The following TBL1XR1 variants were observed in gnomAD, a reference collection of about 807,000 sequenced individuals.
TBL1XR1 encodes the protein TBL1X/Y related 1, also known as F-box-like/WD repeat-containing protein TBL1XR1.
A neutral mutation model predicts 66.9 loss-of-function variants in TBL1XR1; 5 were observed. The ratio of observed to expected loss-of-function variants is 0.07; its 90% CI spans 0.04 to 0.16. TBL1XR1 has a LOEUF of 0.16. TBL1XR1 is among the 10% of genes least tolerant of loss of function. The probability of loss-of-function intolerance (pLI) is 1.00; values close to 1 mark genes in which losing one functional copy is unlikely to be tolerated. For missense variants in TBL1XR1, 238 were observed against 623.2 expected, an observed-to-expected ratio of 0.38 and a Z score of 6.58; for synonymous variants, 210 against 206.0, an observed-to-expected ratio of 1.02 and a Z score of -0.17.
chr3:177,156,541 ACACACACT>A (rs747970843), intron 1 of TBL1XR1, among the ~76,000 whole-genome samples: 14 of 142,742 alleles, frequency 9.8e-5, no homozygotes, highest in Non-Finnish European at 4.7e-5. Flanking sequence ...ACACACACAC[ACACACACT>A]TATATATATA....
chr3:177,193,026 A>G (rs1484674211), intron 1 of TBL1XR1, among the ~76,000 whole-genome samples: 1 of 151,742 alleles, frequency 6.6e-6, no homozygotes. Context: ...GGTGGCAAGC[A>G]CCTGTAATCC....
intron 1 of TBL1XR1, among the ~76,000 whole-genome samples, chr3:177,111,317 G>A (rs1331286544): frequency 6.7e-6 from 1 of 149,840 alleles, no homozygotes; most frequent in Non-Finnish European, 1.5e-5. Context: ...CTGTTGCCCA[G>A]ACTGGAGTGC....
intron 1 of TBL1XR1, among the ~76,000 whole-genome samples, chr3:177,149,953 A>G (rs575305104): frequency 9.8e-4 from 150 of 152,350 alleles, no homozygotes; most frequent in African/African-American, 3.4e-3. Context: ...GGAAACGTCA[A>G]TTTAAATAAA....
At chr3:177,121,743 C>T (rs1726999786) in intron 1 of TBL1XR1, among the ~76,000 whole-genome samples, 1 of 152,284 alleles carries the variant, frequency 6.6e-6, no homozygotes, top group Admixed American at 6.5e-5. Context: ...CCCATCGAGG[C>T]TGTTCCTTGT....
At chr3:177,042,012 T>A (rs1463193708) in intron 10 of TBL1XR1, among the ~76,000 whole-genome samples, 78 of 152,172 alleles carry the variant, frequency 5.1e-4, no homozygotes, top group Non-Finnish European at 7.4e-5. Flanking sequence ...CCTTAGTTTT[T>A]CACTCTTCCC....
intron 10 of TBL1XR1, among the ~76,000 whole-genome samples, chr3:177,042,513 T>C (rs1186828887): frequency 6.6e-6 from 1 of 152,208 alleles, no homozygotes; most frequent in Admixed American, 6.5e-5. Context: ...GTTGTGTGAT[T>C]AACGCTTTTG....
At chr3:177,069,320 A>C (rs772264357) in intron 2 of TBL1XR1, among the ~76,000 whole-genome samples, 3 of 152,214 alleles carry the variant, frequency 2.0e-5, no homozygotes, top group Admixed American at 6.5e-5. Flanking sequence ...CATCTCCAGG[A>C]ATCAGGAAAA....
At chr3:177,105,914 G>A (rs1363204872) in intron 1 of TBL1XR1, among the ~76,000 whole-genome samples, 1 of 152,160 alleles carries the variant, frequency 6.6e-6, no homozygotes, top group Non-Finnish European at 1.5e-5. Context: ...AGGCAGGAGA[G>A]TCGCTTCTTT....
intron 3 of TBL1XR1, among the ~76,000 whole-genome samples, 193 bp downstream of exon 3, chr3:177,064,727 T>C (rs1050077702): frequency 1.3e-5 from 2 of 151,892 alleles, no homozygotes; most frequent in African/African-American, 2.4e-5. Context: ...AATAATTGCC[T>C]TGTTTGCAAC....
intron 4 of TBL1XR1, among the ~76,000 whole-genome samples, chr3:177,052,605 A>G (rs1717245133): frequency 6.6e-6 from 1 of 152,242 alleles, no homozygotes. Context: ...ATTTTAAGAA[A>G]AAATTTAGTT....
At chr3:177,156,512 TATAC>T (rs1284704995) in intron 1 of TBL1XR1, among the ~76,000 whole-genome samples, 1 of 71,676 alleles carries the variant, frequency 1.4e-5, no homozygotes, top group Non-Finnish European at 3.1e-5. Flanking sequence ...AAATTATATA[TATAC>T]ATACACACAC....
chr3:177,185,510 G>A (rs139358295), intron 1 of TBL1XR1, among the ~76,000 whole-genome samples: 3 of 152,204 alleles, frequency 2.0e-5, no homozygotes, highest in African/African-American at 4.8e-5. Context: ...AGGAGCCTGA[G>A]GCAGGGGCAT....
chr3:177,155,919 G>T (rs1037967182), intron 1 of TBL1XR1, among the ~76,000 whole-genome samples: 3 of 151,944 alleles, frequency 2.0e-5, no homozygotes, highest in African/African-American at 7.3e-5. Flanking sequence ...TGAGGCACAG[G>T]AATCACTTGA....
chr3:177,196,693 G>A (rs1736900093), intron 1 of TBL1XR1, among the ~76,000 whole-genome samples: 1 of 151,560 alleles, frequency 6.6e-6, no homozygotes, highest in South Asian at 2.1e-4. Flanking sequence ...GCCTCATGAT[G>A]GCTCCTTGAT....
intron 1 of TBL1XR1, among the ~76,000 whole-genome samples, chr3:177,191,809 T>G (rs1221321837): frequency 1.3e-5 from 2 of 152,156 alleles, no homozygotes; most frequent in Non-Finnish European, 2.9e-5. Flanking sequence ...GTTCCCTTTG[T>G]ATTTAAAGAG....
chr3:177,197,638 G>A (rs1737056235), upstream of TBL1XR1, among the ~76,000 whole-genome samples: 1 of 139,480 alleles, frequency 7.2e-6, no homozygotes. Flanking sequence ...GGGCGAGCGG[G>A]CGGGCGGGCG....
At chr3:177,193,011 G>A (rs1736359971) in intron 1 of TBL1XR1, among the ~76,000 whole-genome samples, 2 of 151,944 alleles carry the variant, frequency 1.3e-5, no homozygotes, top group African/African-American at 2.4e-5. Context: ...AAATTAGCCG[G>A]GAGTGGTGGC....
At chr3:177,198,041 G>C (rs1277888826), upstream of TBL1XR1, among the ~76,000 whole-genome samples, 1 of 151,962 alleles carries the variant, frequency 6.6e-6, no homozygotes, top group African/African-American at 2.4e-5. Flanking sequence ...CGCACACGCG[G>C]CGGGCATGTG....
chr3:177,168,403 T>C (rs1577367868), intron 1 of TBL1XR1, among the ~76,000 whole-genome samples: 1 of 152,110 alleles, frequency 6.6e-6, no homozygotes, highest in East Asian at 1.9e-4. Context: ...TGCCTCAGCC[T>C]TCTGAGTAGC....
Sources: allele counts gnomAD v4.1 joint callset (sites outside exome capture counted in the v4.1 genomes callset), GRCh38; gene constraint gnomAD v4.1.1; transcripts MANE v1.5; gene names NCBI Gene and HGNC (gene_info 2026-07-23, HGNC 2026-07-21).